SPNS3: variants seen among roughly 807,000 people sequenced by gnomAD.
The protein encoded by SPNS3 is SPNS lysolipid transporter 3, sphingosine-1-phosphate (putative).
Under a neutral mutation model 54.4 loss-of-function variants are expected in SPNS3, and 51 were observed. That is an observed-to-expected ratio of 0.94 (90% CI 0.75 to 1.18). SPNS3 has a LOEUF of 1.18. Ranked by LOEUF, SPNS3 falls within the 50% of genes most tolerant of loss-of-function variation. SPNS3 has a pLI of 0.00. For missense variants in SPNS3, 669 were observed against 677.4 expected, an observed-to-expected ratio of 0.99 and a Z score of 0.14; for synonymous variants, 309 against 294.7, an observed-to-expected ratio of 1.05 and a Z score of -0.50.
intron 7 of SPNS3, among the ~76,000 whole-genome samples, chr17:4,451,210 C>A (rs554310129): frequency 2.7e-5 from 4 of 150,716 alleles, no homozygotes; most frequent in African/African-American, 9.7e-5. Flanking sequence ...AGCTTGGAAG[C>A]CTGGGAAGGT....
At chr17:4,465,994 A>C (rs1971665908) in intron 8 of SPNS3, among the ~76,000 whole-genome samples, 1 of 152,152 alleles carries the variant, frequency 6.6e-6, no homozygotes, top group South Asian at 2.1e-4. Context: ...CCCGGACTCG[A>C]GTGCTCACCC....
rs1357219526 is a variant in SPNS3 at position 4,446,586 on chromosome 17, C to A, written c.555-310C>A. On this transcript the variant is annotated intron_variant, in intron 4 of 11. Coordinates refer to ENST00000355530, the MANE Select transcript of SPNS3 (RefSeq NM_182538.5). ...TTGCAATCAGGACCCTGGCCTCTGA[C>A]CCAGGTTTCCTGAACTTGCCTGACT... 1.9e-5 allele frequency: 10 copies of A among 532,376 alleles called. No homozygotes were observed. The African/African-American group carries it at 1.9e-4, about 10-fold the overall frequency. The allele number at this position is 532,376 out of a possible 1,614,324, so 33.0% of individuals were successfully genotyped here. A position where few individuals can be genotyped will look rare whatever the true frequency, so the allele number is the denominator to read the frequency against.
chr17:4,468,631 G>A (rs947944473), intron 8 of SPNS3, among the ~76,000 whole-genome samples: 1 of 151,814 alleles, frequency 6.6e-6, no homozygotes, highest in Admixed American at 6.6e-5. Context: ...TGGAGGGAGG[G>A]ATTAGCAGTT....
chr17:4,455,363 C>T (rs1408967859), intron 8 of SPNS3, among the ~76,000 whole-genome samples: 1 of 152,186 alleles, frequency 6.6e-6, no homozygotes, highest in Non-Finnish European at 1.5e-5. Context: ...GATGAGCAGG[C>T]AAGGAAGGAT....
intron 8 of SPNS3, among the ~76,000 whole-genome samples, chr17:4,476,149 G>T (rs571352708): frequency 6.6e-6 from 1 of 152,204 alleles, no homozygotes; most frequent in South Asian, 2.1e-4. Context: ...CCGCTGCCCC[G>T]GGAGACTGTA....
intron 4 of SPNS3, chr17:4,446,461 G>A: frequency 2.0e-6 from 1 of 497,808 alleles, no homozygotes; most frequent in South Asian, 3.0e-5. Flanking sequence ...ACACTCGGCA[G>A]TGTGGCCCAC....
At position 4,448,230 on chromosome 17, in the gene SPNS3, G is replaced by C. The variant is rs901247903; in HGVS notation, c.697G>C (p.Glu233Gln). The C allele has an allele frequency of 2.5e-6, 4 of 1,602,562 alleles. No individual in the cohort carries two copies. Among genetic ancestry groups the C allele is most frequent in the Non-Finnish European group, 1.7e-6 (2 of 1,175,034 alleles). Residue 233 changes from glutamate to glutamine, a missense_variant, in exon 6 of 12, where the codon GAG (glutamate) becomes CAG (glutamine). Physicochemically the swap from Glu to Gln is conservative, Grantham distance 29. Coordinates refer to ENST00000355530, the MANE Select transcript of SPNS3 (RefSeq NM_182538.5). Reference protein sequence around the residue: ...LVPDPPRGAAETQGEGAVGGF... With the variant: ...LVPDPPRGAAQTQGEGAVGGF... ...TCCAGACCCACCCCGGGGAGCTGCC[G>C]AGACACAGGGGGAGGGGGCCGTGGG...
At chr17:4,448,793 G>A (rs1337239836) in intron 6 of SPNS3, among the ~76,000 whole-genome samples, 1 of 152,210 alleles carries the variant, frequency 6.6e-6, no homozygotes, top group African/African-American at 2.4e-5. Flanking sequence ...GCAGGGCATG[G>A]ACAGGATTCA....
In SPNS3 at chr17:4,434,005, G is replaced by A. The variant is rs1254640118; in HGVS notation, c.38G>A (p.Gly13Glu). Residue 13 changes from glycine to glutamate, a missense_variant, in exon 1 of 12, where the codon GGG becomes GAG. Physicochemically the swap from Gly to Glu is moderately conservative, Grantham distance 98 (BLOSUM62 -2). Transcript: ENST00000355530. ...ATGTCAGCGGAGTGCCCTGAGCCTG[G>A]GCCAGGAGGTCTGCAGGGCCAGTCC... ...GGMSAECPEP[G>E]PGGLQGQSPG... The A allele has an allele frequency of 6.3e-7, 1 of 1,592,888 alleles. No individual in the cohort carries two copies. The highest frequency in any genetic ancestry group is 8.6e-7 in the Non-Finnish European group (1 of 1,168,944).
chr17:4,477,969 C>CTT (rs1972051147), intron 8 of SPNS3, among the ~76,000 whole-genome samples: 1 of 86,488 alleles, frequency 1.2e-5, no homozygotes, highest in Non-Finnish European at 2.3e-5. Context: ...TTTCACTTTT[C>CTT]CTTTTTTTTT....
At chr17:4,434,311 C>A in intron 1 of SPNS3, 145 bp downstream of exon 1, 2 of 735,866 alleles carry the variant, frequency 2.7e-6, no homozygotes, top group Non-Finnish European at 4.2e-6. Context: ...AGGTGGTTTT[C>A]AGCTGTGCTC....
intron 8 of SPNS3, among the ~76,000 whole-genome samples, chr17:4,460,659 G>A (rs904691140): frequency 2.7e-5 from 4 of 148,320 alleles, no homozygotes; most frequent in African/African-American, 7.5e-5. Flanking sequence ...AGCCAGGATT[G>A]TCTCGATCTC....
At chr17:4,439,805 C>A in intron 2 of SPNS3, 82 bp downstream of exon 2, 1 of 1,316,474 alleles carries the variant, frequency 7.6e-7, no homozygotes, top group Non-Finnish European at 1.1e-6. Context: ...GTTCTGTGCC[C>A]AGCTCCAGCC....
rs1972233757 is a variant in SPNS3 at position 4,483,651 on chromosome 17, A to T, written c.1180-2577A>T. Reference sequence around the variant, plus strand: ...CCCAGAGCCACCAGTGAGTAATCACATAATTATGGGGTGAGAAGGAAGTCC... The same window carrying T: ...CCCAGAGCCACCAGTGAGTAATCACTTAATTATGGGGTGAGAAGGAAGTCC... On this transcript the variant is annotated intron_variant, in intron 9 of 11. Transcript: ENST00000355530. The surrounding 1 kb of genome is among the most constrained non-coding windows in gnomAD (Gnocchi z 4.2). The T allele has an allele frequency of 6.6e-6, 1 of 152,286 alleles. No individual in the cohort carries two copies. Among genetic ancestry groups the T allele is most frequent in the African/African-American group, 2.4e-5 (1 of 41,456 alleles). 9.4% of individuals were successfully genotyped at this position (152,286 alleles called of 1,614,324 possible).
At position 4,477,970 on chromosome 17, in the gene SPNS3, C is replaced by CTTTTTTTTTTTTTTTTTTT. The variant is rs397837193; in HGVS notation, c.1114-601_1114-583dup. Among the ~76,000 whole-genome samples the CTTTTTTTTTTTTTTTTTTT allele has an allele frequency of 4.0e-4, 39 of 97,602 alleles. 1 individual carries two copies. The highest frequency in any genetic ancestry group is 5.5e-4 in the African/African-American group (12 of 21,914). The allele number at this position is 97,602 out of a possible 152,430, so 64.0% of individuals were successfully genotyped here. ...AAAGTCTGTTTTTTTTTCACTTTTC[C>CTTTTTTTTTTTTTTTTTTT]TTTTTTTTTTTTTTTTTTTGAGGCG... On this transcript the variant is annotated intron_variant, in intron 8 of 11. Coordinates refer to ENST00000355530, the MANE Select transcript of SPNS3 (RefSeq NM_182538.5).
At chr17:4,455,141 T>C (rs1971272143) in intron 8 of SPNS3, among the ~76,000 whole-genome samples, 1 of 152,162 alleles carries the variant, frequency 6.6e-6, no homozygotes, top group Non-Finnish European at 1.5e-5. Context: ...CTCAAACTCC[T>C]GACCTCAGGC....
chr17:4,482,121 C>T (rs1173287837), intron 9 of SPNS3: 4 of 152,352 alleles, frequency 2.6e-5, no homozygotes, highest in Non-Finnish European at 4.4e-5. Flanking sequence ...CTCTTGACCT[C>T]ATGATCCGCC....
Position 4,434,443 on chromosome 17 carries a change from T to C in SPNS3, c.199+277T>C, listed in dbSNP as rs1970662188. ...GGGAGGCTGAGGCAGGAAGATTGCTTGAGCCCAGGAGTTTGAGACCAACCT... is the reference window on the plus strand; with the variant it reads ...GGGAGGCTGAGGCAGGAAGATTGCTCGAGCCCAGGAGTTTGAGACCAACCT... On this transcript the variant is annotated intron_variant, in intron 1 of 11. Transcript: ENST00000355530. Among the ~76,000 whole-genome samples, 3 of 152,144 alleles carry C rather than the reference T, an allele frequency of 2.0e-5. No homozygotes were observed. The South Asian group carries it at 6.2e-4, about 31-fold the overall frequency.
At chr17:4,440,039 A>T (rs1273067761) in intron 2 of SPNS3, among the ~76,000 whole-genome samples, 1 of 152,154 alleles carries the variant, frequency 6.6e-6, no homozygotes, top group Non-Finnish European at 1.5e-5. Context: ...GCGGTGCACC[A>T]GAGGCTTGCT....
Sources: allele counts gnomAD v4.1 joint callset (sites outside exome capture counted in the v4.1 genomes callset), GRCh38; gene constraint gnomAD v4.1.1; non-coding constraint Gnocchi (gnomAD v3.1); transcripts MANE v1.5; gene names NCBI Gene and HGNC (gene_info 2026-07-23, HGNC 2026-07-21).